The following TRMT11 variants were observed in gnomAD, a reference collection of about 807,000 sequenced individuals.
The protein encoded by TRMT11 is tRNA methyltransferase 11, also known as tRNA (guanine(10)-N(2))-methyltransferase TRMT11.
In TRMT11, 53 loss-of-function variants were observed where a neutral mutation model predicts 62.8. The ratio of observed to expected loss-of-function variants is 0.84; its 90% CI spans 0.68 to 1.06. TRMT11 has a LOEUF of 1.06. TRMT11 is among the 50% of genes least tolerant of loss of function. The pLI is 0.00. For missense variants in TRMT11, 556 were observed against 553.4 expected (o/e 1.00, Z -0.05); for synonymous variants, 188 against 190.3 (o/e 0.99, Z 0.10).
chr6:126,106,043 G>A (rs1370251756), intron 17 of TRMT11, among the ~76,000 whole-genome samples: 1 of 152,154 alleles, frequency 6.6e-6, no homozygotes, highest in Non-Finnish European at 1.5e-5. Context: ...CAACAGATGG[G>A]CTACTGGCCA....
At chr6:126,042,946 A>G (rs1006542042), downstream of TRMT11, among the ~76,000 whole-genome samples, 1 of 152,162 alleles carries the variant, frequency 6.6e-6, no homozygotes, top group Non-Finnish European at 1.5e-5. Flanking sequence ...AGTCCCTTAA[A>G]ATTTGTGTAT....
chr6:126,247,515 T>A, the TRMT11 span, among the ~76,000 whole-genome samples: 2 of 146,586 alleles, frequency 1.4e-5, no homozygotes, highest in African/African-American at 5.0e-5. Context: ...TCTCTATATA[T>A]AAATATATAA....
chr6:126,152,575 T>C (rs2128223363), intron 21 of TRMT11, among the ~76,000 whole-genome samples: 1 of 152,128 alleles, frequency 6.6e-6, no homozygotes, highest in African/African-American at 2.4e-5. Flanking sequence ...AAGAAGACAA[T>C]GGGGATTAAG....
the TRMT11 span, among the ~76,000 whole-genome samples, chr6:126,244,996 A>T: frequency 2.6e-5 from 4 of 152,222 alleles, no homozygotes; most frequent in Admixed American, 2.6e-4. Context: ...CCAACACATT[A>T]TTGTTACTAT....
intron 21 of TRMT11, among the ~76,000 whole-genome samples, chr6:126,162,100 G>A (rs753907259): frequency 1.2e-4 from 18 of 151,964 alleles, no homozygotes; most frequent in Non-Finnish European, 1.8e-4. Context: ...TTTTGTTGCC[G>A]TTGCTTTTGG....
chr6:126,222,643 T>C, the TRMT11 span, among the ~76,000 whole-genome samples: 4 of 152,208 alleles, frequency 2.6e-5, no homozygotes, highest in African/African-American at 9.6e-5. Flanking sequence ...TATTAGTATA[T>C]AGAAATGCTA....
intron 21 of TRMT11, among the ~76,000 whole-genome samples, chr6:126,154,464 A>G (rs748653833): frequency 4.6e-5 from 7 of 152,188 alleles, no homozygotes; most frequent in Non-Finnish European, 8.8e-5. Flanking sequence ...AAATTTACAC[A>G]TCACAACTTA....
chr6:126,032,103 T>C (rs534418594), intron 12 of TRMT11, among the ~76,000 whole-genome samples: 5 of 152,114 alleles, frequency 3.3e-5, no homozygotes, highest in African/African-American at 1.2e-4. Flanking sequence ...TTTTCTTGTA[T>C]ATGTTTTTAT....
chr6:126,116,216 T>G (rs1358334662), intron 21 of TRMT11, among the ~76,000 whole-genome samples: 1 of 151,864 alleles, frequency 6.6e-6, no homozygotes, highest in Non-Finnish European at 1.5e-5. Flanking sequence ...TTGTCTCCAT[T>G]TTGGGGCAAT....
chr6:126,133,780 A>G (rs1777816382), intron 21 of TRMT11, among the ~76,000 whole-genome samples: 1 of 152,024 alleles, frequency 6.6e-6, no homozygotes, highest in South Asian at 2.1e-4. Context: ...AGCCCTTCAG[A>G]TCAGCATTGA....
chr6:126,095,953 C>T (rs1777334814), intron 17 of TRMT11, among the ~76,000 whole-genome samples: 1 of 151,978 alleles, frequency 6.6e-6, no homozygotes, highest in South Asian at 2.1e-4. Flanking sequence ...ATTCTGGGGG[C>T]CTAGGAGCAG....
intron 1 of TRMT11, among the ~76,000 whole-genome samples, chr6:126,184,778 G>C (rs1455271178): frequency 1.3e-5 from 2 of 152,144 alleles, no homozygotes; most frequent in Non-Finnish European, 2.9e-5. Context: ...CCTGAACCTG[G>C]CTCTCTGTTG....
chr6:126,164,924 CTT>C (rs755902237), intron 21 of TRMT11, among the ~76,000 whole-genome samples: 6 of 152,210 alleles, frequency 3.9e-5, no homozygotes, highest in South Asian at 2.1e-4. Flanking sequence ...GGTCTTGACT[CTT>C]TATCCAATGT....
intron 16 of TRMT11, among the ~76,000 whole-genome samples, chr6:126,047,728 G>A (rs527725984): frequency 5.9e-5 from 9 of 152,262 alleles, no homozygotes; most frequent in African/African-American, 1.7e-4. Flanking sequence ...AAAAGCGCTC[G>A]CCCAGCTCCT....
chr6:125,996,652 C>G (rs1791570827), intron 3 of TRMT11, among the ~76,000 whole-genome samples: 1 of 152,018 alleles, frequency 6.6e-6, no homozygotes, highest in Admixed American at 6.5e-5. Context: ...GAAAATTAAA[C>G]TGTATTTTTA....
chr6:126,165,245 C>T (rs1778244986), intron 21 of TRMT11, among the ~76,000 whole-genome samples: 2 of 150,656 alleles, frequency 1.3e-5, no homozygotes, highest in East Asian at 1.9e-4. Context: ...TGCCACTGTA[C>T]TCCAGCCCAG....
the TRMT11 span, among the ~76,000 whole-genome samples, chr6:126,225,984 C>G: frequency 3.7e-3 from 559 of 151,990 alleles, 6 homozygotes; most frequent in African/African-American, 0.013. Flanking sequence ...GAGTACCGCG[C>G]CTGGCCTATG....
chr6:126,123,091 T>C (rs918217900), intron 21 of TRMT11, among the ~76,000 whole-genome samples: 6 of 152,168 alleles, frequency 3.9e-5, no homozygotes, highest in African/African-American at 1.4e-4. Context: ...TAATGTGCGA[T>C]GATAATATCT....
chr6:126,134,122 A>G (rs915514781), intron 21 of TRMT11, among the ~76,000 whole-genome samples: 46 of 152,084 alleles, frequency 3.0e-4, no homozygotes, highest in African/African-American at 1.1e-3. Flanking sequence ...TAAACAAGTA[A>G]CAAAATGGCA....
Sources: gnomAD v4.1 joint callset for allele counts (sites outside exome capture counted in the v4.1 genomes callset) on GRCh38, gnomAD v4.1.1 for gene constraint, MANE v1.5 for transcripts, NCBI Gene and HGNC (gene_info 2026-07-23, HGNC 2026-07-21) for gene names.